The following EYS variants were observed in gnomAD, a reference collection of about 807,000 sequenced individuals.
EYS encodes protein eyes shut homolog.
Under a neutral mutation model 282.1 loss-of-function variants are expected in EYS, and 250 were observed. The ratio of observed to expected loss-of-function variants is 0.89; its 90% CI spans 0.80 to 0.98. The LOEUF (loss-of-function observed/expected upper bound fraction) is 0.98. Ranked by LOEUF, EYS falls within the 50% of genes least tolerant of loss-of-function variation. The pLI, the probability that EYS is intolerant of heterozygous loss-of-function variation, is 0.00. For synonymous variants in EYS, 1,355 were observed against 1,282.9 expected, an observed-to-expected ratio of 1.06 and a Z score of -1.20; for missense variants, 4,016 against 3,709.0, an observed-to-expected ratio of 1.08 and a Z score of -2.15.
chr6:64,284,583 G>A (rs1421274942), intron 30 of EYS, among the ~76,000 whole-genome samples: 2 of 152,090 alleles, frequency 1.3e-5, no homozygotes, highest in Non-Finnish European at 2.9e-5. Context: ...ACTCTGTGTG[G>A]GGGCTCCAAC....
chr6:64,700,187 T>A (rs185852591), intron 22 of EYS, among the ~76,000 whole-genome samples: 1 of 152,014 alleles, frequency 6.6e-6, no homozygotes, highest in Non-Finnish European at 1.5e-5. Flanking sequence ...GGAGTATCTC[T>A]TCATGACACA....
At chr6:64,199,403 C>T (rs976838265) in intron 31 of EYS, among the ~76,000 whole-genome samples, 4 of 152,172 alleles carry the variant, frequency 2.6e-5, no homozygotes, top group Admixed American at 1.3e-4. Flanking sequence ...AAACTGGACA[C>T]CTTCCCTACA....
intron 29 of EYS, among the ~76,000 whole-genome samples, chr6:64,374,695 A>G (rs1772509328): frequency 6.6e-6 from 1 of 152,134 alleles, no homozygotes; most frequent in Non-Finnish European, 1.5e-5. Context: ...TCTACGTGAG[A>G]GTGGCATACA....
At chr6:65,422,046 A>G (rs1767486554) in intron 5 of EYS, among the ~76,000 whole-genome samples, 1 of 151,956 alleles carries the variant, frequency 6.6e-6, no homozygotes, top group South Asian at 2.1e-4. Flanking sequence ...GTGCTGATAG[A>G]TCGGCTTGAC....
At chr6:65,052,532 A>T (rs1402184710) in intron 13 of EYS, among the ~76,000 whole-genome samples, 5 of 151,622 alleles carry the variant, frequency 3.3e-5, no homozygotes, top group Non-Finnish European at 7.4e-5. Context: ...TGACTTCCTC[A>T]TATCTTTTTG....
At chr6:65,566,876 T>C (rs1477082372) in intron 2 of EYS, among the ~76,000 whole-genome samples, 3 of 152,174 alleles carry the variant, frequency 2.0e-5, no homozygotes, top group Non-Finnish European at 4.4e-5. Context: ...ACAATATGAC[T>C]GCATTTTTAA....
At chr6:63,836,128 CTT>C (rs2149694719) in intron 36 of EYS, among the ~76,000 whole-genome samples, 1 of 152,094 alleles carries the variant, frequency 6.6e-6, no homozygotes, top group East Asian at 1.9e-4. Flanking sequence ...AACTCTAACA[CTT>C]TGAGAAATTG....
chr6:63,797,397 A>C (rs1770672505), intron 37 of EYS: 1 of 152,238 alleles, frequency 6.6e-6, no homozygotes, highest in Non-Finnish European at 1.5e-5. Context: ...TGCCGGAACA[A>C]GATGTATCGA....
chr6:64,960,039 A>G (rs1769860284), intron 14 of EYS, among the ~76,000 whole-genome samples: 1 of 152,088 alleles, frequency 6.6e-6, no homozygotes, highest in Admixed American at 6.6e-5. Context: ...CAAGCACATA[A>G]GTGATATTAG....
At chr6:65,243,462 C>T (rs192079009) in intron 12 of EYS, among the ~76,000 whole-genome samples, 16 of 152,186 alleles carry the variant, frequency 1.1e-4, no homozygotes, top group Admixed American at 2.6e-4. Flanking sequence ...GCTTTTGTGA[C>T]GCTTTGTTGG....
intron 31 of EYS, among the ~76,000 whole-genome samples, chr6:64,228,452 T>G (rs1201477262): frequency 6.6e-6 from 1 of 152,150 alleles, no homozygotes; most frequent in East Asian, 1.9e-4. Flanking sequence ...GCCTCAGTAT[T>G]AATGAATTAA....
At chr6:64,507,010 T>A (rs1388825832) in intron 26 of EYS, among the ~76,000 whole-genome samples, 1 of 141,882 alleles carries the variant, frequency 7.0e-6, no homozygotes, top group Non-Finnish European at 1.5e-5. Flanking sequence ...CGCTCTGGAA[T>A]ATGAAAAATC....
At chr6:65,501,604 A>G (rs1249566215) in intron 2 of EYS, among the ~76,000 whole-genome samples, 1 of 151,774 alleles carries the variant, frequency 6.6e-6, no homozygotes, top group African/African-American at 2.4e-5. Context: ...CACTGATTAT[A>G]GAGTATAAAA....
intron 35 of EYS, among the ~76,000 whole-genome samples, chr6:63,948,738 A>C (rs796763089): frequency 1.3e-5 from 2 of 152,152 alleles, no homozygotes; most frequent in African/African-American, 4.8e-5. Context: ...CAGGGACAAA[A>C]GTGCAGAATG....
chr6:64,887,482 T>A (rs544142627), intron 18 of EYS, among the ~76,000 whole-genome samples: 1 of 152,158 alleles, frequency 6.6e-6, no homozygotes, highest in African/African-American at 2.4e-5. Flanking sequence ...GATATTAAAC[T>A]GATCGAAACT....
At chr6:65,104,012 T>TTAC (rs1774966369) in intron 12 of EYS, among the ~76,000 whole-genome samples, 1 of 150,720 alleles carries the variant, frequency 6.6e-6, no homozygotes, top group Admixed American at 6.6e-5. Flanking sequence ...TTGTTGTTCA[T>TTAC]GACTCTAAGT....
At position 64,945,879 on chromosome 6, in the gene EYS, T is replaced by C; in HGVS notation, c.2295A>G (p.Gly765=). 1 of 1,548,504 alleles carries C rather than the reference T, an allele frequency of 6.5e-7. No individual in the cohort carries two copies. Among genetic ancestry groups the C allele is most frequent in the Non-Finnish European group, 8.7e-7 (1 of 1,144,652 alleles). Residue 765 remains glycine, a synonymous_variant, in exon 15 of 43, where the codon GGA becomes GGG. Coordinates refer to ENST00000503581, the MANE Select transcript of EYS (RefSeq NM_001142800.2). ...CATTGGATTCTTGTTCACAAAAATT[T>C]CCTTCCCAATCAGATAGGCACACAC... ...YQCVCLSDWE[G]NFCEQESNEC...
chr6:64,842,455 G>T (rs1477506919), intron 19 of EYS, among the ~76,000 whole-genome samples: 31 of 151,904 alleles, frequency 2.0e-4, no homozygotes. Context: ...CCAAAATTGT[G>T]GAAGCGACTT....
Position 64,298,559 on chromosome 6 carries a change from T to C in EYS, c.6191+8411A>G, listed in dbSNP as rs764368688. 2.6e-5 allele frequency among the ~76,000 whole-genome samples: 4 copies of C among 152,202 alleles called. No individual in the cohort carries two copies. In the East Asian group the frequency reaches 7.7e-4, roughly 29 times the overall value. ...TACAAAATAAAATTAGAAAAAATTTTAAATACTTCACTATAAAAGATAAAC... is the reference window on the plus strand; with the variant it reads ...TACAAAATAAAATTAGAAAAAATTTCAAATACTTCACTATAAAAGATAAAC... On this transcript the variant is annotated intron_variant, in intron 30 of 42. Coordinates refer to ENST00000503581, the MANE Select transcript of EYS (RefSeq NM_001142800.2).
Sources: allele counts gnomAD v4.1 joint callset (sites outside exome capture counted in the v4.1 genomes callset), GRCh38; gene constraint gnomAD v4.1.1; transcripts MANE v1.5; gene names NCBI Gene and HGNC (gene_info 2026-07-23, HGNC 2026-07-21).